IGSF21: variants seen among roughly 807,000 people sequenced by gnomAD.
IGSF21 encodes the protein immunoglobulin superfamily member 21.
In IGSF21, 28 loss-of-function variants were observed where a neutral mutation model predicts 46.8. The observed-to-expected ratio is 0.60, with a 90% CI of 0.44 to 0.82. IGSF21 has a LOEUF of 0.82. Among genes scored for constraint, IGSF21 ranks in the 40% least tolerant of loss-of-function variants. The pLI, the probability that IGSF21 is intolerant of heterozygous loss-of-function variation, is 0.00. For synonymous variants in IGSF21, 284 were observed against 273.6 expected, an observed-to-expected ratio of 1.04 and a Z score of -0.38; for missense variants, 624 against 665.5, an observed-to-expected ratio of 0.94 and a Z score of 0.69.
chr1:18,256,872 C>A (rs1383367098), intron 2 of IGSF21, among the ~76,000 whole-genome samples: 2 of 152,192 alleles, frequency 1.3e-5, no homozygotes. Context: ...ACCAGGTCCC[C>A]TTTCCTAAAA....
chr1:18,237,392 T>C (rs995853183), intron 2 of IGSF21, among the ~76,000 whole-genome samples: 1 of 152,188 alleles, frequency 6.6e-6, no homozygotes, highest in African/African-American at 2.4e-5. Context: ...TTGCCCATCA[T>C]CAAGTTGTTA....
chr1:18,362,103 C>G lies in IGSF21; in HGVS notation c.425-12C>G, dbSNP rs768233650. On this transcript the variant is annotated splice_polypyrimidine_tract_variant and intron_variant, in intron 4 of 9. Coordinates refer to ENST00000251296, the MANE Select transcript of IGSF21 (RefSeq NM_032880.5). ...TTGAGCCCTTGTCTTCCTGTGCTTCCTTTTGGGGCAGCTCCTCCCACCTCC... is the reference window on the plus strand; with the variant it reads ...TTGAGCCCTTGTCTTCCTGTGCTTCGTTTTGGGGCAGCTCCTCCCACCTCC... The G allele has an allele frequency of 1.3e-6, 2 of 1,584,870 alleles. No individual in the cohort carries two copies. Among genetic ancestry groups the G allele is most frequent in the African/African-American group, 2.7e-5 (2 of 74,498 alleles).
chr1:18,191,919 G>A (rs999041277), intron 1 of IGSF21, among the ~76,000 whole-genome samples: 4 of 152,132 alleles, frequency 2.6e-5, no homozygotes, highest in African/African-American at 9.7e-5. Flanking sequence ...TGTGGAAGGC[G>A]CTGGCCCTGC....
chr1:18,134,887 G>T (rs1042623098), intron 1 of IGSF21, among the ~76,000 whole-genome samples: 26 of 152,238 alleles, frequency 1.7e-4, no homozygotes, highest in African/African-American at 6.0e-4. Flanking sequence ...AGCCATGCCT[G>T]GGAGATTAGA....
intron 3 of IGSF21, among the ~76,000 whole-genome samples, chr1:18,326,064 G>C (rs1302642554): frequency 6.6e-6 from 1 of 151,980 alleles, no homozygotes; most frequent in African/African-American, 2.4e-5. Flanking sequence ...TTTCCAGGGA[G>C]TAGCAAACCT....
intron 6 of IGSF21, among the ~76,000 whole-genome samples, chr1:18,373,327 G>A (rs2086247712): frequency 6.6e-6 from 1 of 152,146 alleles, no homozygotes; most frequent in Non-Finnish European, 1.5e-5. Flanking sequence ...ATTCCTTTCG[G>A]GCACTCTCAG....
intron 1 of IGSF21, among the ~76,000 whole-genome samples, chr1:18,148,950 G>A (rs1227039776): frequency 6.6e-6 from 1 of 152,202 alleles, no homozygotes; most frequent in Non-Finnish European, 1.5e-5. Flanking sequence ...AAAAGCCGGA[G>A]CATAAACCCA....
At chr1:18,179,841 T>G (rs1167892812) in intron 1 of IGSF21, among the ~76,000 whole-genome samples, 1 of 152,162 alleles carries the variant, frequency 6.6e-6, no homozygotes, top group Non-Finnish European at 1.5e-5. Context: ...ACAAAAGTAA[T>G]AATAATGAGT....
At chr1:18,186,209 C>T (rs562619984) in intron 1 of IGSF21, among the ~76,000 whole-genome samples, 1 of 152,212 alleles carries the variant, frequency 6.6e-6, no homozygotes, top group East Asian at 1.9e-4. Context: ...TCAAAATTGG[C>T]TTGGGGAGGG....
At chr1:18,134,807 G>A (rs534291776) in intron 1 of IGSF21, among the ~76,000 whole-genome samples, 4 of 152,338 alleles carry the variant, frequency 2.6e-5, no homozygotes, top group East Asian at 1.9e-4. Context: ...GCTCCTCCCC[G>A]ACTCAACCTG....
intron 2 of IGSF21, among the ~76,000 whole-genome samples, chr1:18,258,791 C>G (rs1196130660): frequency 1.3e-5 from 2 of 152,148 alleles, no homozygotes; most frequent in Non-Finnish European, 2.9e-5. Flanking sequence ...GAATGCACAG[C>G]AAAGCTCAGT....
At position 18,127,430 on chromosome 1, in the gene IGSF21, G is replaced by A. The variant is rs371422309; in HGVS notation, c.70+19232G>A. 8.5e-5 allele frequency among the ~76,000 whole-genome samples: 13 copies of A among 152,146 alleles called. No individual in the cohort carries two copies. In the East Asian group the frequency reaches 2.5e-3, roughly 30 times the overall value. ...TGGAAGTCATGAGGAAAGAGTCCTG[G>A]CATCTAGATATTTCTGGTGGAGAAG... On this transcript the variant is annotated intron_variant, in intron 1 of 9. Transcript: ENST00000251296.
intron 1 of IGSF21, among the ~76,000 whole-genome samples, chr1:18,225,411 C>T (rs1361557): frequency 0.37 from 56,430 of 151,912 alleles, 12,940 homozygotes; most frequent in Non-Finnish European, 0.51. Context: ...TCCCCGCCAC[C>T]GCCACACTTA....
rs569419274 is a variant in IGSF21 at position 18,337,038 on chromosome 1, A to G, written c.424+2028A>G. Among the ~76,000 whole-genome samples the G allele has an allele frequency of 5.4e-4, 82 of 152,298 alleles. 1 individual carries two copies. In the South Asian group the frequency reaches 9.1e-3, roughly 17 times the overall value. ...CTAGGTCCCTCCTACAACACATGGG[A>G]ATTGTGGGAGCTACAGTATAAGATG... is the stretch of plus-strand genomic sequence containing the variant. On this transcript the variant is annotated intron_variant, in intron 4 of 9. Coordinates refer to ENST00000251296, the MANE Select transcript of IGSF21 (RefSeq NM_032880.5). This position sits in a 1 kb window ranked among gnomAD's most constrained non-coding sequence, Gnocchi z 5.7.
At chr1:18,252,937 C>G (rs1569638174) in intron 2 of IGSF21, among the ~76,000 whole-genome samples, 1 of 152,142 alleles carries the variant, frequency 6.6e-6, no homozygotes, top group African/African-American at 2.4e-5. Context: ...AGGTAACAAA[C>G]CTTTAGCTCA....
intron 4 of IGSF21, among the ~76,000 whole-genome samples, chr1:18,356,124 T>C (rs868846117): frequency 3.3e-5 from 5 of 152,338 alleles, no homozygotes; most frequent in Middle Eastern, 3.4e-3. Flanking sequence ...CATCAGCCCC[T>C]GCACCTGGCC....
intron 1 of IGSF21, among the ~76,000 whole-genome samples, chr1:18,164,743 T>C (rs2086661269): frequency 6.6e-6 from 1 of 151,814 alleles, no homozygotes; most frequent in Non-Finnish European, 1.5e-5. Context: ...TATATATATA[T>C]ATTTATTATA....
At chr1:18,316,568 C>A (rs1295947395) in intron 3 of IGSF21, among the ~76,000 whole-genome samples, 1 of 152,212 alleles carries the variant, frequency 6.6e-6, no homozygotes, top group Non-Finnish European at 1.5e-5. Flanking sequence ...CCTAATGCAA[C>A]CCCTGTCCCT....
At chr1:18,256,190 C>T (rs2084890757) in intron 2 of IGSF21, among the ~76,000 whole-genome samples, 1 of 152,142 alleles carries the variant, frequency 6.6e-6, no homozygotes, top group African/African-American at 2.4e-5. Flanking sequence ...CTGTATATGC[C>T]CTCCTGTATG....
Sources: allele counts gnomAD v4.1 joint callset (sites outside exome capture counted in the v4.1 genomes callset), GRCh38; gene constraint gnomAD v4.1.1; non-coding constraint Gnocchi (gnomAD v3.1); transcripts MANE v1.5; gene names NCBI Gene and HGNC (gene_info 2026-07-23, HGNC 2026-07-21).